LRMDA: variants seen among roughly 807,000 people sequenced by gnomAD.
LRMDA encodes the protein leucine-rich melanocyte differentiation-associated protein.
Under a neutral mutation model 29.8 loss-of-function variants are expected in LRMDA, and 18 were observed. The ratio of observed to expected loss-of-function variants is 0.60; its 90% CI spans 0.42 to 0.90. The LOEUF (loss-of-function observed/expected upper bound fraction) is 0.90, where lower values mean the gene tolerates loss of function less well. Among genes scored for constraint, LRMDA ranks in the 40% least tolerant of loss-of-function variants. The probability of loss-of-function intolerance (pLI) is 0.00; values close to 1 mark genes in which losing one functional copy is unlikely to be tolerated. For synonymous variants in LRMDA, 125 were observed against 109.4 expected, an observed-to-expected ratio of 1.14 and a Z score of -0.89; for missense variants, 273 against 273.9, an observed-to-expected ratio of 1.00 and a Z score of 0.02.
intron 6 of LRMDA, among the ~76,000 whole-genome samples, chr10:76,475,317 A>C (rs968642237): frequency 6.6e-6 from 1 of 151,854 alleles, no homozygotes. Flanking sequence ...TTAACGTAGT[A>C]AATTTTACGC....
intron 5 of LRMDA, among the ~76,000 whole-genome samples, chr10:76,148,510 C>G (rs563005752): frequency 6.6e-6 from 1 of 152,168 alleles, no homozygotes; most frequent in Non-Finnish European, 1.5e-5. Context: ...GATATAATCT[C>G]CTGGTGTGCC....
intron 2 of LRMDA, among the ~76,000 whole-genome samples, chr10:75,627,321 G>T (rs1338196400): frequency 6.6e-6 from 1 of 152,226 alleles, no homozygotes; most frequent in African/African-American, 2.4e-5. Context: ...GAAGCAGGTG[G>T]AAGGGAGAGG....
chr10:76,035,898 C>T, intron 2 of LRMDA, 110 bp from the exon 3 acceptor site: 1 of 1,403,760 alleles, frequency 7.1e-7, no homozygotes, highest in South Asian at 1.4e-5. Flanking sequence ...AGGCACCAAG[C>T]CCAAACTATT....
rs577446092 is a variant in LRMDA, at chr10:75,562,324, A to G, written c.131+123830A>G. ...CTCTTTTGATCTTTGTTGGTTTAAA[A>G]TCTGTTTTATCAGAGACTAGGACTG... is the stretch of plus-strand genomic sequence containing the variant. On this transcript the variant is annotated intron_variant, in intron 2 of 6. Transcript: ENST00000611255. 2.5e-3 allele frequency among the ~76,000 whole-genome samples: 383 copies of G among 152,038 alleles called. 2 individuals are homozygous for G. The highest frequency in any genetic ancestry group is 8.8e-3 in the African/African-American group (363 of 41,404).
At chr10:75,755,685 A>G (rs1843023021) in intron 2 of LRMDA, among the ~76,000 whole-genome samples, 1 of 152,250 alleles carries the variant, frequency 6.6e-6, no homozygotes, top group African/African-American at 2.4e-5. Context: ...CAGGCCAAGA[A>G]AGCAAGCAAT....
At chr10:75,841,038 T>A (rs998528586) in intron 2 of LRMDA, among the ~76,000 whole-genome samples, 1 of 152,214 alleles carries the variant, frequency 6.6e-6, no homozygotes, top group Middle Eastern at 3.2e-3. Flanking sequence ...TTTGTGACAG[T>A]GCTCATACAT....
chr10:75,689,543 A>G (rs1270484308), intron 2 of LRMDA, among the ~76,000 whole-genome samples: 2 of 152,026 alleles, frequency 1.3e-5, no homozygotes, highest in East Asian at 3.9e-4. Context: ...CTATCATCGG[A>G]TGTGAGTTAT....
At chr10:75,475,754 T>C (rs1246695640) in intron 2 of LRMDA, among the ~76,000 whole-genome samples, 1 of 152,208 alleles carries the variant, frequency 6.6e-6, no homozygotes, top group Non-Finnish European at 1.5e-5. Context: ...TTATGTGGTG[T>C]TCTTGCTGGC....
chr10:75,715,350 G>A (rs1378964309), intron 2 of LRMDA, among the ~76,000 whole-genome samples: 1 of 151,908 alleles, frequency 6.6e-6, no homozygotes, highest in Non-Finnish European at 1.5e-5. Flanking sequence ...TATATTCACT[G>A]TAGAAAGTTT....
intron 2 of LRMDA, among the ~76,000 whole-genome samples, chr10:75,795,747 G>A (rs1290536170): frequency 6.6e-6 from 1 of 152,024 alleles, no homozygotes; most frequent in African/African-American, 2.4e-5. Context: ...GGTCCTTTGG[G>A]TTTCCATATA....
intron 6 of LRMDA, among the ~76,000 whole-genome samples, chr10:76,441,086 C>A (rs1483991237): frequency 6.6e-6 from 1 of 152,042 alleles, no homozygotes; most frequent in Non-Finnish European, 1.5e-5. Context: ...CCATCAACAC[C>A]TTCTTCATTA....
At chr10:76,253,883 C>T (rs946600667) in intron 5 of LRMDA, among the ~76,000 whole-genome samples, 1 of 152,150 alleles carries the variant, frequency 6.6e-6, no homozygotes, top group Middle Eastern at 3.4e-3. Context: ...CTCATTCTTC[C>T]ATTTCTTTTT....
At chr10:75,629,756 ATTGAT>A (rs1460328136) in intron 2 of LRMDA, among the ~76,000 whole-genome samples, 2 of 152,234 alleles carry the variant, frequency 1.3e-5, no homozygotes, top group African/African-American at 4.8e-5. Context: ...AGAGCAGCAT[ATTGAT>A]TTAATTCCAT....
intron 2 of LRMDA, among the ~76,000 whole-genome samples, chr10:75,564,289 G>A (rs1316716864): frequency 1.3e-5 from 2 of 152,166 alleles, no homozygotes; most frequent in African/African-American, 4.8e-5. Context: ...ATCTCAGACT[G>A]CTGTGCTGGC....
intron 2 of LRMDA, among the ~76,000 whole-genome samples, chr10:75,477,893 T>A (rs1844814463): frequency 6.6e-6 from 1 of 152,238 alleles, no homozygotes; most frequent in African/African-American, 2.4e-5. Context: ...CCTTGTCATA[T>A]CTGTGGTAAT....
chr10:75,573,103 C>T (rs1840457283), intron 2 of LRMDA, among the ~76,000 whole-genome samples: 1 of 152,202 alleles, frequency 6.6e-6, no homozygotes. Context: ...CCCCAACAGA[C>T]TAATACAGAT....
intron 5 of LRMDA, among the ~76,000 whole-genome samples, chr10:76,279,823 G>A (rs1445809148): frequency 1.3e-5 from 2 of 152,164 alleles, no homozygotes; most frequent in Non-Finnish European, 2.9e-5. Context: ...AATGTTACAT[G>A]TGTTGTCTAA....
At chr10:76,126,177 T>G (rs909003818) in intron 5 of LRMDA, among the ~76,000 whole-genome samples, 2 of 152,206 alleles carry the variant, frequency 1.3e-5, no homozygotes, top group Admixed American at 6.5e-5. Context: ...CTAGGACTTG[T>G]GTGGCCTCGA....
At chr10:75,899,176 G>A (rs147486891) in intron 2 of LRMDA, among the ~76,000 whole-genome samples, 1 of 152,138 alleles carries the variant, frequency 6.6e-6, no homozygotes, top group African/African-American at 2.4e-5. Context: ...TTGGTTACAC[G>A]CCAGTACTTC....
Sources: gnomAD v4.1 joint callset for allele counts (sites outside exome capture counted in the v4.1 genomes callset) on GRCh38, gnomAD v4.1.1 for gene constraint, MANE v1.5 for transcripts, NCBI Gene and HGNC (gene_info 2026-07-23, HGNC 2026-07-21) for gene names.